ANKRD11: variants seen among roughly 807,000 people sequenced by gnomAD.
ANKRD11 encodes ankyrin repeat domain 11.
Under a neutral mutation model 195.7 loss-of-function variants are expected in ANKRD11, and 17 were observed. The observed-to-expected ratio is 0.09, with a 90% CI of 0.06 to 0.13. ANKRD11 has a LOEUF of 0.13. Among genes scored for constraint, ANKRD11 ranks in the 10% least tolerant of loss-of-function variants. The pLI, the probability that ANKRD11 is intolerant of heterozygous loss-of-function variation, is 1.00. For synonymous variants in ANKRD11, 1,953 were observed against 1,528.1 expected, an observed-to-expected ratio of 1.28 and a Z score of -6.49; for missense variants, 3,735 against 3,566.1, an observed-to-expected ratio of 1.05 and a Z score of -1.21.
rs553725447 is a variant in ANKRD11 at position 89,368,056 on chromosome 16, C to T, written c.-60+50228G>A. On this transcript the variant is annotated intron_variant, in intron 2 of 12. Transcript: ENST00000301030. ...GTCCTTGCAACCAACTGCTGTGCTCCGTTTATCTGAAAACCCTGTTTATCT... is the reference window on the plus strand; with the variant it reads ...GTCCTTGCAACCAACTGCTGTGCTCTGTTTATCTGAAAACCCTGTTTATCT... 3.3e-5 allele frequency among the ~76,000 whole-genome samples: 5 copies of T among 152,294 alleles called. No homozygotes were observed. In the South Asian group the frequency reaches 1.0e-3, roughly 32 times the overall value.
At chr16:89,383,321 C>G (rs2040747374) in intron 2 of ANKRD11, among the ~76,000 whole-genome samples, 1 of 152,248 alleles carries the variant, frequency 6.6e-6, no homozygotes, top group South Asian at 2.1e-4. Context: ...CCATGCCTGC[C>G]TGGCTGCTCT....
chr16:89,326,412 C>A (rs2037723647), intron 2 of ANKRD11, among the ~76,000 whole-genome samples: 2 of 151,514 alleles, frequency 1.3e-5, no homozygotes, highest in Non-Finnish European at 2.9e-5. Flanking sequence ...GTGCACACCA[C>A]TCAGCAACCA....
intron 2 of ANKRD11, among the ~76,000 whole-genome samples, chr16:89,333,111 T>G (rs2038154072): frequency 6.6e-6 from 1 of 152,214 alleles, no homozygotes; most frequent in South Asian, 2.1e-4. Context: ...GGTCACAGAC[T>G]CAGTGGCCAA....
chr16:89,279,710 T>C lies in ANKRD11; in HGVS notation c.6832A>G (p.Thr2278Ala). ...LCAPDGPAPNTVAQAQAADGA... is the reference protein window; with the variant it reads ...LCAPDGPAPNAVAQAQAADGA... ...TCTGCGGCCTGAGCTTGTGCCACAG[T>C]GTTCGGGGCGGGGCCGTCAGGGGCA... Residue 2278 changes from threonine to alanine, a missense_variant, in exon 9 of 13, where the codon ACT becomes GCT. Physicochemically the swap from Thr to Ala is moderately conservative, Grantham distance 58. Transcript: ENST00000301030. This position sits in a 1 kb window ranked among gnomAD's most constrained non-coding sequence, Gnocchi z 5.6. The C allele has an allele frequency of 6.6e-6, 10 of 1,522,704 alleles. No individual in the cohort carries two copies. The highest frequency in any genetic ancestry group is 8.8e-6 in the Non-Finnish European group (10 of 1,139,690). 94.3% of individuals were successfully genotyped at this position (1,522,704 alleles called of 1,614,324 possible).
At chr16:89,348,273 C>T (rs975231649) in intron 2 of ANKRD11, among the ~76,000 whole-genome samples, 2 of 152,154 alleles carry the variant, frequency 1.3e-5, no homozygotes, top group Non-Finnish European at 2.9e-5. Context: ...GATGATCTTA[C>T]GGCATTTCAT....
intron 11 of ANKRD11, 72 bp from the exon 12 acceptor site, chr16:89,270,981 C>T (rs550559482): frequency 1.6e-5 from 23 of 1,449,004 alleles, no homozygotes; most frequent in South Asian, 1.4e-4. Context: ...CCAGCCTGGG[C>T]GATGCTGCAG....
intron 2 of ANKRD11, among the ~76,000 whole-genome samples, chr16:89,365,284 T>C (rs537408035): frequency 6.6e-6 from 1 of 152,322 alleles, no homozygotes; most frequent in East Asian, 1.9e-4. Context: ...TATCACGTAG[T>C]CTAAACCCTT....
intron 1 of ANKRD11, among the ~76,000 whole-genome samples, chr16:89,469,017 A>C (rs975668714): frequency 1.3e-5 from 2 of 152,138 alleles, no homozygotes; most frequent in Non-Finnish European, 1.5e-5. Flanking sequence ...AACTTCCTCA[A>C]CCTCATAAAG....
At position 89,285,462 on chromosome 16, in the gene ANKRD11, C is replaced by T. The variant is rs144902113; in HGVS notation, c.1080G>A (p.Pro360=). The T allele has an allele frequency of 1.7e-4, 272 of 1,614,146 alleles. No individual in the cohort carries two copies. The highest frequency in any genetic ancestry group is 2.1e-4 in the Non-Finnish European group (252 of 1,180,030). ...TTTTCAATAGGTGCTTGTCGTCCAC[C>T]GGAGGAACCCTGTCCTGCTCGTCGT... ...DEDDEQDRVP[P]VDDKHLLKKD... is the part of the protein sequence containing the mutation. Residue 360 remains proline, a synonymous_variant, in exon 9 of 13, where the codon CCG becomes CCA. Coordinates refer to ENST00000301030, the MANE Select transcript of ANKRD11 (RefSeq NM_013275.6). This position sits in a 1 kb window ranked among gnomAD's most constrained non-coding sequence, Gnocchi z 5.6.
chr16:89,479,530 G>A (rs1289132214), intron 1 of ANKRD11, among the ~76,000 whole-genome samples: 1 of 152,098 alleles, frequency 6.6e-6, no homozygotes, highest in African/African-American at 2.4e-5. Context: ...AGCTATTCTG[G>A]AGGCTGAGGC....
At position 89,280,466 on chromosome 16, in the gene ANKRD11, C is replaced by T. The variant is rs752781169; in HGVS notation, c.6076G>A (p.Ala2026Thr). Residue 2026 changes from alanine (A) to threonine (T), a missense_variant, in exon 9 of 13, where the codon GCT becomes ACT. Transcript: ENST00000301030. The stretch of plus-strand genomic sequence containing the variant: ...AGCCCCGGCTCAGCGACGGGCAGAG[C>T]GTACGGGGCAGGAGAGGCGGGAGGG... ...PAPPASPAPYALPVAEPGLED... is the reference protein window; with the variant it reads ...PAPPASPAPYTLPVAEPGLED... 14 of 1,598,628 alleles carry T rather than the reference C, an allele frequency of 8.8e-6. No individual in the cohort carries two copies. Among genetic ancestry groups the T allele is most frequent in the Admixed American group, 8.5e-5 (5 of 58,546 alleles).
intron 3 of ANKRD11, chr16:89,313,332 C>G: frequency 7.8e-7 from 1 of 1,287,328 alleles, no homozygotes; most frequent in Non-Finnish European, 1.0e-6. Flanking sequence ...GATCAGAACA[C>G]ACTCAACGAT....
Position 89,380,049 on chromosome 16 carries a change from T to G in ANKRD11, c.-60+38235A>C, listed in dbSNP as rs535735866. On this transcript the variant is annotated intron_variant, in intron 2 of 12. Transcript: ENST00000301030. ...TATCAATGGGTATATATGAAGCTCC[T>G]CTGCCACCAGAAATTCACTATGGAA... Among the ~76,000 whole-genome samples the G allele has an allele frequency of 3.3e-5, 5 of 152,336 alleles. No homozygotes were observed. In the East Asian group the frequency reaches 7.7e-4, roughly 24 times the overall value.
intron 4 of ANKRD11, chr16:89,299,736 G>C (rs2035710837): frequency 7.4e-5 from 14 of 189,924 alleles, no homozygotes; most frequent in South Asian, 1.5e-4. Flanking sequence ...GGGATGCGTG[G>C]GGTCTGTGCC....
chr16:89,280,644 G>C lies in ANKRD11; in HGVS notation c.5898C>G (p.Thr1966=). ...CAGGCCAGCTCACAGGGTTTTCAGA[G>C]GTGCCCCCGATCAGGCTAGAGGCAA... ...QALASSLIGG[T]SENPVSWPVG... is the part of the protein sequence containing the mutation. Residue 1966 remains threonine (T), a synonymous_variant, in exon 9 of 13, where the codon ACC becomes ACG. Coordinates refer to ENST00000301030, the MANE Select transcript of ANKRD11 (RefSeq NM_013275.6). The C allele has an allele frequency of 6.2e-7, 1 of 1,613,526 alleles. No individual in the cohort carries two copies. Among genetic ancestry groups the C allele is most frequent in the Non-Finnish European group, 8.5e-7 (1 of 1,179,974 alleles).
chr16:89,342,483 G>A (rs2038737917), intron 2 of ANKRD11, among the ~76,000 whole-genome samples: 1 of 152,252 alleles, frequency 6.6e-6, no homozygotes, highest in Non-Finnish European at 1.5e-5. Context: ...CAAAGCGTGA[G>A]GAGGAACGGG....
chr16:89,305,109 G>A lies in ANKRD11; in HGVS notation c.226+97C>T. The A allele has an allele frequency of 1.3e-6, 2 of 1,540,662 alleles. 1 individual carries two copies. The highest frequency in any genetic ancestry group is 2.4e-5 in the South Asian group (2 of 82,330). On this transcript the variant is annotated intron_variant, in intron 4 of 12. Transcript: ENST00000301030. ...GTGCAGGGTGCTAGAGTGCGTCCCA[G>A]TGCAAAGCCGGAGGTGCGGGGGCCA... is the stretch of plus-strand genomic sequence containing the variant.
intron 2 of ANKRD11, among the ~76,000 whole-genome samples, chr16:89,361,880 C>T (rs59083311): frequency 0.015 from 2,260 of 152,270 alleles, 64 homozygotes; most frequent in African/African-American, 0.051. Flanking sequence ...ACCTTCAAAA[C>T]AGCATGCCTG....
intron 1 of ANKRD11, chr16:89,443,528 A>G (rs1189726209): frequency 6.6e-6 from 1 of 152,110 alleles, no homozygotes; most frequent in Non-Finnish European, 1.5e-5. Context: ...CACAGCAAGC[A>G]CCACCCTGCA....
Sources: gnomAD v4.1 joint callset for allele counts (sites outside exome capture counted in the v4.1 genomes callset) on GRCh38, gnomAD v4.1.1 for gene constraint, Gnocchi (gnomAD v3.1) non-coding constraint, MANE v1.5 for transcripts, NCBI Gene and HGNC (gene_info 2026-07-23, HGNC 2026-07-21) for gene names.